The following MGA variants were observed in gnomAD, a reference collection of about 807,000 sequenced individuals.
MGA encodes the protein MAX dimerization protein MGA, also known as MAX gene-associated protein.
In MGA, 40 loss-of-function variants were observed where a neutral mutation model predicts 261.1. That is an observed-to-expected ratio of 0.15 (90% CI 0.12 to 0.20). The LOEUF is 0.20. Among genes scored for constraint, MGA ranks in the 10% least tolerant of loss-of-function variants. The pLI, the probability that MGA is intolerant of heterozygous loss-of-function variation, is 1.00. For synonymous variants in MGA, 1,302 were observed against 1,290.6 expected (o/e 1.01, Z -0.19); for missense variants, 3,397 against 3,630.5 (o/e 0.94, Z 1.65).
chr15:41,631,289 T>C (rs969930907), intron 1 of MGA, among the ~76,000 whole-genome samples: 3 of 152,234 alleles, frequency 2.0e-5, no homozygotes, highest in Non-Finnish European at 2.9e-5. Context: ...CAATAAGATA[T>C]TGATTTAGCT....
chr15:41,722,554 A>G (rs1487054456), intron 9 of MGA, among the ~76,000 whole-genome samples: 1 of 152,194 alleles, frequency 6.6e-6, no homozygotes, highest in Non-Finnish European at 1.5e-5. Flanking sequence ...TGATTGAGAA[A>G]GGGTTCTGGA....
At chr15:41,675,757 A>C (rs2058341109) in intron 2 of MGA, among the ~76,000 whole-genome samples, 1 of 151,816 alleles carries the variant, frequency 6.6e-6, no homozygotes, top group African/African-American at 2.4e-5. Context: ...CCCCTTTTGT[A>C]TGTTTACCTA....
intron 9 of MGA, 55 bp downstream of exon 9, chr15:41,713,551 G>T: frequency 1.4e-6 from 2 of 1,463,062 alleles, no homozygotes; most frequent in Admixed American, 2.5e-5. Flanking sequence ...GAAAAGTATG[G>T]TTATTTTAGA....
chr15:41,747,520 C>T (rs2062574396), intron 15 of MGA, among the ~76,000 whole-genome samples: 1 of 151,116 alleles, frequency 6.6e-6, no homozygotes, highest in South Asian at 2.1e-4. Flanking sequence ...GCTTGAGCCC[C>T]AGGGGTTCCA....
rs1395221114 is a variant in MGA at position 41,707,000 on chromosome 15, A to T, written c.2189-728A>T. On this transcript the variant is annotated intron_variant, in intron 5 of 23. Coordinates refer to ENST00000219905, the MANE Select transcript of MGA (RefSeq NM_001164273.2). Reference sequence around the variant, plus strand: ...AGTCATAATATTTTTAGGCTTGATTAACCATAAATGTCATTAATAAGGACT... The same window carrying T: ...AGTCATAATATTTTTAGGCTTGATTTACCATAAATGTCATTAATAAGGACT... Among the ~76,000 whole-genome samples the T allele has an allele frequency of 1.9e-4, 29 of 152,204 alleles. 1 individual carries two copies. Among genetic ancestry groups the T allele is most frequent in the Non-Finnish European group, 1.5e-5 (1 of 68,042 alleles).
upstream of MGA, among the ~76,000 whole-genome samples, chr15:41,658,801 C>G (rs1318987351): frequency 6.6e-6 from 1 of 151,558 alleles, no homozygotes; most frequent in Non-Finnish European, 1.5e-5. Context: ...CATTCCCCTT[C>G]TTCCCAAGTT....
intron 1 of MGA, among the ~76,000 whole-genome samples, chr15:41,666,930 A>G (rs912760964): frequency 1.3e-5 from 2 of 152,220 alleles, no homozygotes; most frequent in African/African-American, 2.4e-5. Flanking sequence ...ATTCTTTGTC[A>G]TAGGATGATA....
intron 1 of MGA, among the ~76,000 whole-genome samples, chr15:41,652,925 T>C (rs977587229): frequency 6.6e-6 from 1 of 152,212 alleles, no homozygotes; most frequent in South Asian, 2.1e-4. Context: ...ACCTCAAGAA[T>C]GTAGAGTGGA....
At chr15:41,725,834 C>CAAAAAAAAAAAAAAAAAA (rs1204528358) in intron 9 of MGA, among the ~76,000 whole-genome samples, 1 of 9,036 alleles carries the variant, frequency 1.1e-4, no homozygotes, top group African/African-American at 3.2e-4. Context: ...GACTCCGTCT[C>CAAAAAAAAAAAAAAAAAA]AAAAAAAAAA....
intron 1 of MGA, among the ~76,000 whole-genome samples, chr15:41,621,902 C>T (rs1415672447): frequency 6.6e-6 from 1 of 152,178 alleles, no homozygotes; most frequent in African/African-American, 2.4e-5. Context: ...TTCGTGGCGT[C>T]CTGCTCCGCG....
chr15:41,698,842 T>C (rs972944591), intron 3 of MGA, 21 bp from the exon 4 acceptor site: 2 of 1,465,428 alleles, frequency 1.4e-6, no homozygotes, highest in Non-Finnish European at 1.8e-6. Flanking sequence ...ACTACTATTT[T>C]TTTTTTTTTT....
At chr15:41,738,701 G>A (rs544184979) in intron 13 of MGA, among the ~76,000 whole-genome samples, 2 of 152,286 alleles carry the variant, frequency 1.3e-5, no homozygotes, top group African/African-American at 4.8e-5. Context: ...TGTAAACTTT[G>A]TAAACTTTGG....
At chr15:41,740,397 G>T (rs183002346) in intron 14 of MGA, among the ~76,000 whole-genome samples, 194 bp downstream of exon 14, 1 of 152,022 alleles carries the variant, frequency 6.6e-6, no homozygotes, top group African/African-American at 2.4e-5. Flanking sequence ...GATGAATTGA[G>T]TTGTTTTATA....
intron 2 of MGA, among the ~76,000 whole-genome samples, chr15:41,686,424 G>C (rs1213290135): frequency 1.3e-5 from 2 of 152,168 alleles, no homozygotes; most frequent in East Asian, 1.9e-4. Flanking sequence ...CCAGCTACTT[G>C]AGAGGCTGAG....
At chr15:41,655,665 TCAATGGGCA>T (rs1453017096), upstream of MGA, among the ~76,000 whole-genome samples, 2 of 152,154 alleles carry the variant, frequency 1.3e-5, no homozygotes, top group Admixed American at 6.5e-5. Flanking sequence ...CTGTATCCAG[TCAATGGGCA>T]GTCAATAAGA....
chr15:41,764,252 AT>A (rs71108132), intron 22 of MGA, among the ~76,000 whole-genome samples: 64,815 of 109,430 alleles, frequency 0.59, 18,155 homozygotes, highest in Middle Eastern at 0.74. Context: ...TGGTGTGGGT[AT>A]TTTTTTTTTT....
At chr15:41,715,596 G>A (rs572172579) in intron 9 of MGA, among the ~76,000 whole-genome samples, 8 of 152,112 alleles carry the variant, frequency 5.3e-5, no homozygotes, top group African/African-American at 9.6e-5. Context: ...ATGCCTAGCC[G>A]TTGTACTATC....
intron 1 of MGA, among the ~76,000 whole-genome samples, chr15:41,642,526 C>T (rs929494175): frequency 6.6e-6 from 1 of 151,940 alleles, no homozygotes; most frequent in Non-Finnish European, 1.5e-5. Flanking sequence ...CCTCTGTTGC[C>T]AGGATGGAGT....
In MGA at chr15:41,676,725, C is replaced by G. The variant is rs1160522258; in HGVS notation, c.1064+6767C>G. Reference sequence around the variant, plus strand: ...ATTTCTTACACACATTTTTTATATACTTTTGCAAATACAGTGATTAATTCT... The same window carrying G: ...ATTTCTTACACACATTTTTTATATAGTTTTGCAAATACAGTGATTAATTCT... On this transcript the variant is annotated intron_variant, in intron 2 of 23. Transcript: ENST00000219905. Among the ~76,000 whole-genome samples, 3 of 152,126 alleles carry G rather than the reference C, an allele frequency of 2.0e-5. No homozygotes were observed. In the South Asian group the frequency reaches 6.2e-4, roughly 31 times the overall value.
Sources: allele counts gnomAD v4.1 joint callset (sites outside exome capture counted in the v4.1 genomes callset), GRCh38; gene constraint gnomAD v4.1.1; transcripts MANE v1.5; gene names NCBI Gene and HGNC (gene_info 2026-07-23, HGNC 2026-07-21).